GTF2IRD1: variants seen among roughly 807,000 people sequenced by gnomAD.
GTF2IRD1 encodes general transcription factor II-I repeat domain-containing protein 1.
In GTF2IRD1, 26 loss-of-function variants were observed where a neutral mutation model predicts 113.2. The ratio of observed to expected loss-of-function variants is 0.23; its 90% confidence interval spans 0.17 to 0.32. The LOEUF (loss-of-function observed/expected upper bound fraction) is 0.32. Among genes scored for constraint, GTF2IRD1 ranks in the 10% least tolerant of loss-of-function variants. GTF2IRD1 has a pLI of 1.00. For missense variants in GTF2IRD1, 864 were observed against 1,280.8 expected (o/e 0.67, Z 4.97); for synonymous variants, 484 against 529.1 (o/e 0.91, Z 1.17).
At position 74,545,904 on chromosome 7, in the gene GTF2IRD1, C is replaced by G. The variant is rs1798899589; in HGVS notation, c.1732+95C>G. ...CTTTGGTCGCATCCCCTTGCCTGTTCCCATCCCAGCTGTTCTCTGGGCAGG... is the reference window on the plus strand; with the variant it reads ...CTTTGGTCGCATCCCCTTGCCTGTTGCCATCCCAGCTGTTCTCTGGGCAGG... On this transcript the variant is annotated intron_variant, in intron 16 of 26. Coordinates refer to ENST00000424337, the MANE Select transcript of GTF2IRD1 (RefSeq NM_005685.4). The G allele has an allele frequency of 1.8e-5, 16 of 880,460 alleles. No individual in the cohort carries two copies. In the South Asian group the frequency reaches 1.9e-4, roughly 10 times the overall value. The allele number at this position is 880,460 out of a possible 1,614,324, so 54.5% of individuals were successfully genotyped here.
At chr7:74,535,508 A>T (rs2130532567) in intron 10 of GTF2IRD1, among the ~76,000 whole-genome samples, 1 of 152,290 alleles carries the variant, frequency 6.6e-6, no homozygotes, top group South Asian at 2.1e-4. Context: ...TCACGTGCAG[A>T]CAGAGGAACG....
intron 1 of GTF2IRD1, among the ~76,000 whole-genome samples, chr7:74,475,560 C>T (rs886271711): frequency 5.3e-5 from 8 of 152,076 alleles, no homozygotes; most frequent in Admixed American, 3.3e-4. Flanking sequence ...GGGTGTGGCC[C>T]GGGCTGGACT....
chr7:74,461,154 G>A (rs1793339568), intron 1 of GTF2IRD1, among the ~76,000 whole-genome samples: 1 of 152,214 alleles, frequency 6.6e-6, no homozygotes, highest in African/African-American at 2.4e-5. Flanking sequence ...ATGGGTGTGT[G>A]GGACCCCCGG....
chr7:74,498,341 A>T (rs1554338595), intron 1 of GTF2IRD1, among the ~76,000 whole-genome samples: 1 of 152,116 alleles, frequency 6.6e-6, no homozygotes. Flanking sequence ...CATATCCTGG[A>T]TATTAATCCC....
At chr7:74,600,419 A>T (rs587770954) in intron 25 of GTF2IRD1, among the ~76,000 whole-genome samples, 2 of 152,160 alleles carry the variant, frequency 1.3e-5, no homozygotes, top group East Asian at 1.9e-4. Flanking sequence ...ACCCTAAAAA[A>T]CAATATAGGC....
chr7:74,585,110 G>GTTT (rs781982819), intron 22 of GTF2IRD1, among the ~76,000 whole-genome samples: 3 of 121,956 alleles, frequency 2.5e-5, no homozygotes, highest in Non-Finnish European at 1.7e-5. Context: ...CCTGTTTGGT[G>GTTT]TTTTTTTTTT....
chr7:74,508,119 C>A lies in GTF2IRD1; in HGVS notation c.39C>A (p.Asn13Lys), dbSNP rs151198189. Reference protein sequence around the residue: ...LLGKRCDVPTNGCGPDRWNSA... With the variant: ...LLGKRCDVPTKGCGPDRWNSA... ...GTAAGCGCTGTGACGTCCCCACCAA[C>A]GGCTGCGGACCCGACCGCTGGAACT... The change falls in exon 2 of 27, where the codon AAC (asparagine) becomes AAA (lysine). Residue 13 changes from asparagine to lysine, a missense_variant. Physicochemically the swap from Asn to Lys is moderately conservative, Grantham distance 94 (BLOSUM62 0). Transcript: ENST00000424337. 4 of 1,610,874 alleles carry A rather than the reference C, an allele frequency of 2.5e-6. No homozygotes were observed. The Admixed American group carries it at 6.7e-5, about 27-fold the overall frequency.
chr7:74,529,020 C>T (rs1325235000), intron 8 of GTF2IRD1, among the ~76,000 whole-genome samples: 1 of 151,250 alleles, frequency 6.6e-6, no homozygotes, highest in Non-Finnish European at 1.5e-5. Context: ...GATAGACGGA[C>T]TGATGGATGG....
At chr7:74,576,256 A>C (rs1554364521) in intron 22 of GTF2IRD1, among the ~76,000 whole-genome samples, 1 of 151,974 alleles carries the variant, frequency 6.6e-6, no homozygotes. Context: ...TGAGTCTTCC[A>C]AGGCTAATGT....
intron 1 of GTF2IRD1, among the ~76,000 whole-genome samples, chr7:74,477,197 C>T (rs921279537): frequency 2.0e-4 from 31 of 152,174 alleles, no homozygotes; most frequent in Non-Finnish European, 4.4e-4. Flanking sequence ...AACCCCATCT[C>T]TACTAAAAAT....
intron 22 of GTF2IRD1, among the ~76,000 whole-genome samples, chr7:74,577,773 C>A (rs1801164727): frequency 1.3e-5 from 2 of 152,094 alleles, no homozygotes; most frequent in Non-Finnish European, 2.9e-5. Flanking sequence ...CCACCTCAGC[C>A]CCTCGAGTGG....
At chr7:74,595,912 G>T (rs1341546321) in intron 25 of GTF2IRD1, 1 of 152,308 alleles carries the variant, frequency 6.6e-6, no homozygotes, top group Non-Finnish European at 1.5e-5. Flanking sequence ...CATCTGCAGG[G>T]TATACAGAAC....
chr7:74,477,574 G>C (rs1436640093), intron 1 of GTF2IRD1, among the ~76,000 whole-genome samples: 1 of 152,130 alleles, frequency 6.6e-6, no homozygotes, highest in Non-Finnish European at 1.5e-5. Flanking sequence ...TTCTAGCCCA[G>C]GTTCTCCATT....
At chr7:74,479,992 C>T (rs1180059331) in intron 1 of GTF2IRD1, among the ~76,000 whole-genome samples, 1 of 152,068 alleles carries the variant, frequency 6.6e-6, no homozygotes, top group Non-Finnish European at 1.5e-5. Flanking sequence ...AGTGATCTGC[C>T]CGCCTCGGCC....
At chr7:74,511,678 G>A (rs1796636850) in intron 2 of GTF2IRD1, among the ~76,000 whole-genome samples, 1 of 152,202 alleles carries the variant, frequency 6.6e-6, no homozygotes, top group South Asian at 2.1e-4. Flanking sequence ...TTATGGCCCA[G>A]AGAGGTTACC....
chr7:74,483,086 C>T (rs1228673723), intron 1 of GTF2IRD1, among the ~76,000 whole-genome samples: 2 of 152,172 alleles, frequency 1.3e-5, no homozygotes, highest in Non-Finnish European at 2.9e-5. Flanking sequence ...GTTGGGTGTG[C>T]AGAGATCTGG....
intron 26 of GTF2IRD1, 98 bp downstream of exon 26, chr7:74,601,278 G>C: frequency 6.5e-7 from 1 of 1,549,276 alleles, no homozygotes. Flanking sequence ...CCCAGGGGAC[G>C]GGGAGGCACT....
intron 1 of GTF2IRD1, among the ~76,000 whole-genome samples, chr7:74,469,211 T>C (rs1430825355): frequency 1.4e-4 from 21 of 152,092 alleles, no homozygotes; most frequent in African/African-American, 4.8e-4. Context: ...GGTGATGCTT[T>C]TCAGGGTTCA....
intron 22 of GTF2IRD1, among the ~76,000 whole-genome samples, chr7:74,562,597 A>T (rs1554359438): frequency 1.5e-5 from 1 of 67,664 alleles, no homozygotes. Context: ...GATGGAATTT[A>T]GCTCTTGTTG....
Sources: gnomAD v4.1 joint callset for allele counts (sites outside exome capture counted in the v4.1 genomes callset) on GRCh38, gnomAD v4.1.1 for gene constraint, MANE v1.5 for transcripts, NCBI Gene and HGNC (gene_info 2026-07-23, HGNC 2026-07-21) for gene names.